Variants in NDUFA9 observed in about 807,000 individuals in gnomAD.
NDUFA9 encodes the protein NADH:ubiquinone oxidoreductase subunit A9, also known as NADH dehydrogenase [ubiquinone] 1 alpha subcomplex subunit 9, mitochondrial.
In NDUFA9, 23 loss-of-function variants were observed where a neutral mutation model predicts 45.9. The observed-to-expected ratio is 0.50, with a 90% CI of 0.36 to 0.71. The LOEUF is 0.71. Ranked by LOEUF, NDUFA9 falls within the 30% of genes least tolerant of loss-of-function variation. The pLI is 0.00. For missense variants in NDUFA9, 466 were observed against 488.2 expected (o/e 0.95, Z 0.43); for synonymous variants, 176 against 170.5 (o/e 1.03, Z -0.25).
Position 4,686,932 on chromosome 12 carries a change from C to T in NDUFA9, c.964-6C>T. 6.2e-7 allele frequency: 1 copy of T among 1,613,186 alleles called. No individual in the cohort carries two copies. Among genetic ancestry groups the T allele is most frequent in the Non-Finnish European group, 8.5e-7 (1 of 1,179,508 alleles). ...GCATTGTCTGTGGTCCTTTGTTTAT[C>T]CAAAGATGCACATCACAGACATGAA... On this transcript the variant is annotated splice_region_variant and splice_polypyrimidine_tract_variant and intron_variant, in intron 10 of 10. Transcript: ENST00000266544.
Position 4,649,143 on chromosome 12 carries a change from A to C in NDUFA9, c.17A>C (p.Gln6Pro). 6.2e-7 allele frequency: 1 copy of C among 1,605,444 alleles called. No homozygotes were observed. The highest frequency in any genetic ancestry group is 8.5e-7 in the Non-Finnish European group (1 of 1,176,254). ...TGGGAAAAGATGGCGGCTGCCGCAC[A>C]ATCCCGGGTTGTCCGGGTCCTGTCA... MAAAA[Q>P]SRVVRVLSMS... The change falls in exon 1 of 11, where the codon CAA (glutamine) becomes CCA (proline). Residue 6 changes from glutamine (Q) to proline (P), a missense_variant. By Grantham distance (76) the Gln-to-Pro change is moderately conservative (BLOSUM62 -1). Coordinates refer to ENST00000266544, the MANE Select transcript of NDUFA9 (RefSeq NM_005002.5).
Position 4,691,737 on chromosome 12 carries a change from T to TG in NDUFA9, c.*4633dup, listed in dbSNP as rs1946019567. 1 of 147,944 alleles carries TG rather than the reference T, an allele frequency of 6.8e-6. No individual in the cohort carries two copies. The highest frequency in any genetic ancestry group is 2.5e-5 in the African/African-American group (1 of 39,782). The allele number at this position is 147,944 out of a possible 1,614,324, so 9.2% of individuals were successfully genotyped here. On this transcript the variant is annotated 3_prime_UTR_variant, in exon 11 of 11. Coordinates refer to ENST00000266544, the MANE Select transcript of NDUFA9 (RefSeq NM_005002.5). ...TCACCTCCCTGGAAGCAGAGGGTGGTGGGGTTTTTGAGGGCTGTGTGAGAG... is the reference window on the plus strand; with the variant it reads ...TCACCTCCCTGGAAGCAGAGGGTGGTGGGGGTTTTTGAGGGCTGTGTGAGAG...
chr12:4,678,849 T>G (rs764069751), intron 8 of NDUFA9, among the ~76,000 whole-genome samples: 63 of 152,286 alleles, frequency 4.1e-4, no homozygotes, highest in Non-Finnish European at 7.4e-4. Context: ...ATAGCCACTT[T>G]AGAAAACAGT....
At chr12:4,649,395 A>C (rs1945741252) in intron 1 of NDUFA9, among the ~76,000 whole-genome samples, 1 of 152,174 alleles carries the variant, frequency 6.6e-6, no homozygotes, top group Non-Finnish European at 1.5e-5. Context: ...AAAAGATCTT[A>C]AGCAGCTGTA....
chr12:4,668,583 A>G (rs1293787623), intron 7 of NDUFA9, 59 bp downstream of exon 7: 2 of 1,448,612 alleles, frequency 1.4e-6, no homozygotes, highest in Admixed American at 3.4e-5. Flanking sequence ...GATTTGAGTG[A>G]TCAAGTTTCT....
At chr12:4,665,746 G>GTTTT (rs10657164) in intron 6 of NDUFA9, among the ~76,000 whole-genome samples, 194 of 143,934 alleles carry the variant, frequency 1.3e-3, no homozygotes, top group Middle Eastern at 3.6e-3. Context: ...GTTATTTTCT[G>GTTTT]TTTTTTTTTT....
At chr12:4,681,218 T>C (rs1262725857) in intron 8 of NDUFA9, among the ~76,000 whole-genome samples, 1 of 152,188 alleles carries the variant, frequency 6.6e-6, no homozygotes. Context: ...TTTCTAACTA[T>C]GAATCCAAGC....
intron 5 of NDUFA9, among the ~76,000 whole-genome samples, chr12:4,660,584 A>G (rs900102231): frequency 6.6e-6 from 1 of 152,094 alleles, no homozygotes; most frequent in Non-Finnish European, 1.5e-5. Flanking sequence ...GAACATACCA[A>G]TGGTTAGTAA....
rs1291258609 is a variant in NDUFA9, at chr12:4,689,715, G to A, written c.*2607G>A. ...GTCTACTTCTTTCTACACAGACACAGCAACAATGTGATTTCTCTATCTTTT... is the reference window on the plus strand; with the variant it reads ...GTCTACTTCTTTCTACACAGACACAACAACAATGTGATTTCTCTATCTTTT... On this transcript the variant is annotated 3_prime_UTR_variant, in exon 11 of 11. Transcript: ENST00000266544. 1 of 178,814 alleles carries A rather than the reference G, an allele frequency of 5.6e-6. No homozygotes were observed. The highest frequency in any genetic ancestry group is 1.3e-4 in the South Asian group (1 of 7,696). 11.1% of individuals were successfully genotyped at this position (178,814 alleles called of 1,614,324 possible). A position where few individuals can be genotyped will look rare whatever the true frequency, so the allele number is the denominator to read the frequency against.
At chr12:4,651,289 A>C (rs765948168) in intron 1 of NDUFA9, among the ~76,000 whole-genome samples, 17 of 152,178 alleles carry the variant, frequency 1.1e-4, no homozygotes, top group Admixed American at 1.3e-4. Context: ...TCATTCTTCT[A>C]ATAGTACTCA....
At chr12:4,652,429 C>G (rs1945764970) in intron 1 of NDUFA9, among the ~76,000 whole-genome samples, 1 of 152,176 alleles carries the variant, frequency 6.6e-6, no homozygotes, top group African/African-American at 2.4e-5. Context: ...CTCACAGCCT[C>G]TCTTGTTTGC....
rs545273938 is a variant in NDUFA9 at position 4,657,581 on chromosome 12, G to A, written c.319-167G>A. 6.0e-4 allele frequency: 355 copies of A among 595,722 alleles called. 1 individual carries two copies. Among genetic ancestry groups the A allele is most frequent in the African/African-American group, 5.7e-3 (304 of 53,714 alleles). 36.9% of individuals were successfully genotyped at this position (595,722 alleles called of 1,614,324 possible). ...GAAAGAGTGAGGGAATCAGCAGGGA[G>A]TCTGAGATGTCATTTCTGTTGTAAT... On this transcript the variant is annotated intron_variant, in intron 3 of 10. Transcript: ENST00000266544.
In NDUFA9 at chr12:4,693,400, C is replaced by G. The variant is rs1166977409; in HGVS notation, c.*6292C>G. The G allele has an allele frequency of 6.6e-6, 1 of 152,214 alleles. No individual in the cohort carries two copies. Among genetic ancestry groups the G allele is most frequent in the Non-Finnish European group, 1.5e-5 (1 of 68,044 alleles). 9.4% of individuals were successfully genotyped at this position (152,214 alleles called of 1,614,324 possible). A position where few individuals can be genotyped will look rare whatever the true frequency, so the allele number is the denominator to read the frequency against. On this transcript the variant is annotated 3_prime_UTR_variant, in exon 11 of 11. Transcript: ENST00000266544. ...ATAATTAAAGCGTTAAATTTCCTCT[C>G]TGCCCCACAGCTGGGATCCAAGAAG...
rs552902114 is a variant in NDUFA9, at chr12:4,666,097, G to A, written c.656-2360G>A. On this transcript the variant is annotated intron_variant, in intron 6 of 10. Transcript: ENST00000266544. ...TAGGATTATAGGCATGGGCCACCACGCCTGGCAACAATGTGGTTTTGATTT... is the reference window on the plus strand; with the variant it reads ...TAGGATTATAGGCATGGGCCACCACACCTGGCAACAATGTGGTTTTGATTT... Among the ~76,000 whole-genome samples the A allele has an allele frequency of 3.9e-5, 6 of 152,306 alleles. No homozygotes were observed. The South Asian group carries it at 8.3e-4, about 21-fold the overall frequency.
intron 1 of NDUFA9, among the ~76,000 whole-genome samples, chr12:4,652,255 A>G (rs1945763876): frequency 6.6e-6 from 1 of 152,212 alleles, no homozygotes; most frequent in African/African-American, 2.4e-5. Flanking sequence ...TTCCTGAATC[A>G]GTAATTTTCT....
At chr12:4,654,772 A>G in intron 2 of NDUFA9, 53 bp from the exon 3 acceptor site, 3 of 1,327,284 alleles carry the variant, frequency 2.3e-6, no homozygotes, top group Non-Finnish European at 3.2e-6. Flanking sequence ...CAATTGTATA[A>G]TATATCCACA....
At chr12:4,662,790 T>C (rs937991440) in intron 6 of NDUFA9, 155 bp downstream of exon 6, 3 of 565,934 alleles carry the variant, frequency 5.3e-6, no homozygotes, top group Non-Finnish European at 9.4e-6. Context: ...TCATAGTCAA[T>C]GTAGTCTTTG....
At chr12:4,662,684 G>T in intron 6 of NDUFA9, 49 bp downstream of exon 6, 1 of 1,425,536 alleles carries the variant, frequency 7.0e-7, no homozygotes. Context: ...GATTAACCAA[G>T]TTGAAGCTGC....
chr12:4,692,992 CCT>C lies in NDUFA9; in HGVS notation c.*5887_*5888del, dbSNP rs1946026045. 6.6e-6 allele frequency: 1 copy of C among 152,382 alleles called. No individual in the cohort carries two copies. The highest frequency in any genetic ancestry group is 2.1e-4 in the South Asian group (1 of 4,830). 9.4% of individuals were successfully genotyped at this position (152,382 alleles called of 1,614,324 possible). ...TTAGTGACTAGGCTTTCCTTTAAAA[CCT>C]CTGTACTAGGCCGGGTGCAGTGGCT... On this transcript the variant is annotated 3_prime_UTR_variant, in exon 11 of 11. Coordinates refer to ENST00000266544, the MANE Select transcript of NDUFA9 (RefSeq NM_005002.5).
Sources: allele counts gnomAD v4.1 joint callset (sites outside exome capture counted in the v4.1 genomes callset), GRCh38; gene constraint gnomAD v4.1.1; transcripts MANE v1.5; gene names NCBI Gene and HGNC (gene_info 2026-07-23, HGNC 2026-07-21).